Variants in DCC observed in about 807,000 individuals in gnomAD.
DCC encodes the protein DCC netrin 1 receptor.
DCC carries 58 observed loss-of-function variants against 172.5 expected under a neutral mutation model. That is an observed-to-expected ratio of 0.34 (90% CI 0.27 to 0.42). The LOEUF (loss-of-function observed/expected upper bound fraction) is 0.42, where lower values mean the gene tolerates loss of function less well. Among genes scored for constraint, DCC ranks in the 10% least tolerant of loss-of-function variants. The probability of loss-of-function intolerance (pLI) is 1.00; values close to 1 mark genes in which losing one functional copy is unlikely to be tolerated. For missense variants in DCC, 1,740 were observed against 1,791.0 expected, an observed-to-expected ratio of 0.97 and a Z score of 0.51; for synonymous variants, 709 against 644.5, an observed-to-expected ratio of 1.10 and a Z score of -1.52.
At chr18:52,358,761 C>G (rs894070086) in intron 1 of DCC, among the ~76,000 whole-genome samples, 1 of 152,226 alleles carries the variant, frequency 6.6e-6, no homozygotes, top group African/African-American at 2.4e-5. Flanking sequence ...TGCTAGGCAT[C>G]TTCACATGTC....
chr18:53,170,918 C>G (rs2055004458), intron 8 of DCC, among the ~76,000 whole-genome samples: 2 of 152,146 alleles, frequency 1.3e-5, no homozygotes, highest in Admixed American at 1.3e-4. Flanking sequence ...CAAGGTCTTA[C>G]TCTGTCACCC....
At chr18:52,816,294 C>T (rs2038295586) in intron 2 of DCC, among the ~76,000 whole-genome samples, 1 of 152,144 alleles carries the variant, frequency 6.6e-6, no homozygotes, top group Non-Finnish European at 1.5e-5. Flanking sequence ...TTATACTGAA[C>T]TGAAGGAACT....
At chr18:52,488,749 T>A (rs186421832) in intron 1 of DCC, among the ~76,000 whole-genome samples, 148 of 152,236 alleles carry the variant, frequency 9.7e-4, no homozygotes, top group African/African-American at 3.3e-3. Context: ...TCTTGCTGTT[T>A]CTAGGCAGGA....
chr18:52,724,235 C>T (rs2036517584), intron 1 of DCC, among the ~76,000 whole-genome samples: 1 of 152,150 alleles, frequency 6.6e-6, no homozygotes, highest in African/African-American at 2.4e-5. Flanking sequence ...CAATTTTGGC[C>T]TCCTGGGCCT....
At chr18:52,344,970 G>C (rs1025910) in intron 1 of DCC, among the ~76,000 whole-genome samples, 38,750 of 152,018 alleles carry the variant, frequency 0.25, 5,158 homozygotes, top group Non-Finnish European at 0.31. Context: ...AATTACATAA[G>C]GGCACTTGCA....
At chr18:53,526,859 C>T (rs2046462098) in intron 28 of DCC, 100 bp downstream of exon 28, 6 of 1,043,676 alleles carry the variant, frequency 5.7e-6, no homozygotes, top group Non-Finnish European at 8.9e-6. Flanking sequence ...CACCCCAGGC[C>T]ACCCCAGGCC....
intron 7 of DCC, among the ~76,000 whole-genome samples, chr18:53,133,485 G>A (rs2043690218): frequency 6.6e-6 from 1 of 152,154 alleles, no homozygotes; most frequent in South Asian, 2.1e-4. Flanking sequence ...TTTGCCCTGA[G>A]ATACTTTCCT....
At chr18:52,570,431 G>A (rs1405902201) in intron 1 of DCC, among the ~76,000 whole-genome samples, 1 of 152,168 alleles carries the variant, frequency 6.6e-6, no homozygotes, top group Non-Finnish European at 1.5e-5. Context: ...GGTTTTGCAT[G>A]AAACTTTAAT....
intron 7 of DCC, among the ~76,000 whole-genome samples, chr18:53,151,679 G>C (rs1043821818): frequency 1.3e-5 from 2 of 151,984 alleles, no homozygotes; most frequent in African/African-American, 4.8e-5. Flanking sequence ...AGATTTTATG[G>C]AGTACATTAA....
At chr18:52,431,551 G>C (rs543799390) in intron 1 of DCC, among the ~76,000 whole-genome samples, 17 of 152,178 alleles carry the variant, frequency 1.1e-4, no homozygotes, top group African/African-American at 4.1e-4. Context: ...TGAAGAAAAA[G>C]AAAAAAGTAT....
intron 15 of DCC, among the ~76,000 whole-genome samples, chr18:53,371,759 G>A (rs1488953868): frequency 6.6e-6 from 1 of 151,574 alleles, no homozygotes; most frequent in Admixed American, 6.6e-5. Context: ...TAATTATAAT[G>A]TCCAGAATTT....
intron 1 of DCC, among the ~76,000 whole-genome samples, chr18:52,592,154 G>T (rs977056558): frequency 6.6e-6 from 1 of 152,142 alleles, no homozygotes; most frequent in Non-Finnish European, 1.5e-5. Context: ...TAAAGAGTTT[G>T]TGATAAGTCA....
chr18:52,642,403 C>A (rs2144904953), intron 1 of DCC, among the ~76,000 whole-genome samples: 1 of 152,054 alleles, frequency 6.6e-6, no homozygotes, highest in South Asian at 2.1e-4. Flanking sequence ...GTACCAAAAT[C>A]TCACAAATCA....
At chr18:52,347,099 T>C (rs1409334673) in intron 1 of DCC, among the ~76,000 whole-genome samples, 1 of 152,196 alleles carries the variant, frequency 6.6e-6, no homozygotes, top group African/African-American at 2.4e-5. Context: ...ATTAACTGAA[T>C]CTTTAGGATG....
intron 5 of DCC, among the ~76,000 whole-genome samples, chr18:52,976,904 A>G (rs1297419029): frequency 6.6e-6 from 1 of 152,194 alleles, no homozygotes; most frequent in Non-Finnish European, 1.5e-5. Flanking sequence ...ATGAGATATA[A>G]TGTTTTACAT....
intron 1 of DCC, among the ~76,000 whole-genome samples, chr18:52,540,554 G>C (rs909518252): frequency 7.1e-6 from 1 of 140,956 alleles, no homozygotes; most frequent in East Asian, 2.1e-4. Flanking sequence ...GTTATTTCTC[G>C]AAATAAATGT....
intron 2 of DCC, among the ~76,000 whole-genome samples, chr18:52,785,780 A>G (rs2145195309): frequency 6.6e-6 from 1 of 152,166 alleles, no homozygotes; most frequent in East Asian, 1.9e-4. Flanking sequence ...ACCTTGGCTA[A>G]ATCTTTCCTG....
chr18:53,321,308 C>G (rs1319274406), intron 13 of DCC, among the ~76,000 whole-genome samples: 1 of 152,118 alleles, frequency 6.6e-6, no homozygotes, highest in East Asian at 1.9e-4. Context: ...TCACAAATAT[C>G]ATTTATTTTA....
intron 12 of DCC, among the ~76,000 whole-genome samples, chr18:53,269,971 T>C (rs1481683851): frequency 6.6e-6 from 1 of 152,114 alleles, no homozygotes; most frequent in East Asian, 1.9e-4. Context: ...AGAAATATAC[T>C]ATACTTTAAG....
Sources: allele counts gnomAD v4.1 joint callset (sites outside exome capture counted in the v4.1 genomes callset), GRCh38; gene constraint gnomAD v4.1.1; transcripts MANE v1.5; gene names NCBI Gene and HGNC (gene_info 2026-07-23, HGNC 2026-07-21).